COL1A1: variants seen among roughly 807,000 people sequenced by gnomAD.
COL1A1 encodes the protein collagen type I alpha 1 chain, also known as collagen alpha-1(I) chain.
A neutral mutation model predicts 195.7 loss-of-function variants in COL1A1; 21 were observed. That is an observed-to-expected ratio of 0.11 (90% CI 0.08 to 0.15). The LOEUF is 0.15. Ranked by LOEUF, COL1A1 falls within the 10% of genes least tolerant of loss-of-function variation. COL1A1 has a pLI of 1.00. For synonymous variants in COL1A1, 749 were observed against 747.3 expected (o/e 1.00, Z -0.04); for missense variants, 1,365 against 2,051.0 (o/e 0.67, Z 6.46).
chr17:50,186,543 G>C lies in COL1A1; in HGVS notation c.3815-36C>G. 1 of 1,613,964 alleles carries C rather than the reference G, an allele frequency of 6.2e-7. No homozygotes were observed. Among genetic ancestry groups the C allele is most frequent in the Non-Finnish European group, 8.5e-7 (1 of 1,179,892 alleles). ...GCAGGGCAAGATGGAGTCAGGGAAA[G>C]GGAGCAGCCAGCACCATATGGTAGG... is the stretch of plus-strand genomic sequence containing the variant. On this transcript the variant is annotated intron_variant, in intron 48 of 50. Coordinates refer to ENST00000225964, the MANE Select transcript of COL1A1 (RefSeq NM_000088.4). The surrounding 1 kb of genome is among the most constrained non-coding windows in gnomAD (Gnocchi z 5.3).
At chr17:50,200,636 C>T (rs1468096333) in intron 1 of COL1A1, among the ~76,000 whole-genome samples, 2 of 152,224 alleles carry the variant, frequency 1.3e-5, no homozygotes, top group Non-Finnish European at 2.9e-5. Flanking sequence ...TAGCTAACCA[C>T]TCCCACCGCG....
At chr17:50,197,285 G>T (rs778866846) in intron 9 of COL1A1, 52 bp from the exon 10 acceptor site, 2 of 1,593,130 alleles carry the variant, frequency 1.3e-6, no homozygotes, top group East Asian at 4.5e-5. Flanking sequence ...CCACCGCCTA[G>T]GGGCTGGAAA....
Position 50,192,668 on chromosome 17 carries a change from T to G in COL1A1, c.1901A>C (p.Gln634Pro). The change falls in exon 28 of 51, where the codon CAA (glutamine) becomes CCA (proline). Residue 634 changes from glutamine to proline, a missense_variant. Coordinates refer to ENST00000225964, the MANE Select transcript of COL1A1 (RefSeq NM_000088.4). Reference protein sequence around the residue: ...PAGPAGERGEQGPAGSPGFQG... With the variant: ...PAGPAGERGEPGPAGSPGFQG... ...GAATCCGGGGGAGCCAGCAGGGCCT[T>G]GTTCACCTCTCTCGCCAGCGGGACC... 1 of 1,614,196 alleles carries G rather than the reference T, an allele frequency of 6.2e-7. No individual in the cohort carries two copies. The highest frequency in any genetic ancestry group is 1.1e-5 in the South Asian group (1 of 91,082).
At position 50,189,092 on chromosome 17, in the gene COL1A1, T is replaced by G. The variant is rs1906832168; in HGVS notation, c.2937+76A>C. The G allele has an allele frequency of 2.5e-6, 4 of 1,584,794 alleles. No individual in the cohort carries two copies. Among genetic ancestry groups the G allele is most frequent in the Non-Finnish European group, 2.6e-6 (3 of 1,154,128 alleles). ...GCTGGAGTCATCTCTACCAAATCTG[T>G]TCTCCTTGGCTCCGCCCCACTCCAA... On this transcript the variant is annotated intron_variant, in intron 40 of 50. Coordinates refer to ENST00000225964, the MANE Select transcript of COL1A1 (RefSeq NM_000088.4). This position sits in a 1 kb window ranked among gnomAD's most constrained non-coding sequence, Gnocchi z 5.5.
chr17:50,188,802 A>G lies in COL1A1; in HGVS notation c.3046-7T>C. On this transcript the variant is annotated splice_region_variant and splice_polypyrimidine_tract_variant and intron_variant, in intron 41 of 50. Coordinates refer to ENST00000225964, the MANE Select transcript of COL1A1 (RefSeq NM_000088.4). This position sits in a 1 kb window ranked among gnomAD's most constrained non-coding sequence, Gnocchi z 5.6. Reference sequence around the variant, plus strand: ...CTTCGGCACCAGGAGCCCCCTGCAGAGAGAGAGAGAGAGAAGTGAGAGTCA... The same window carrying G: ...CTTCGGCACCAGGAGCCCCCTGCAGGGAGAGAGAGAGAGAAGTGAGAGTCA... The G allele has an allele frequency of 6.5e-7, 1 of 1,529,714 alleles. No individual in the cohort carries two copies. Among genetic ancestry groups the G allele is most frequent in the Admixed American group, 1.7e-5 (1 of 58,616 alleles). 94.8% of individuals were successfully genotyped at this position (1,529,714 alleles called of 1,614,324 possible).
chr17:50,189,014 A>T lies in COL1A1; in HGVS notation c.2938-4T>A. On this transcript the variant is annotated splice_region_variant and splice_polypyrimidine_tract_variant and intron_variant, in intron 40 of 50. Transcript: ENST00000225964. The surrounding 1 kb of genome is among the most constrained non-coding windows in gnomAD (Gnocchi z 5.5). ...GACCTTGTTTGCCAGGTTCACCCTA[A>T]GGGAGAAGAAAGAGTCAGGCCAGAG... The T allele has an allele frequency of 6.2e-7, 1 of 1,611,814 alleles. No homozygotes were observed. The highest frequency in any genetic ancestry group is 1.7e-5 in the Admixed American group (1 of 59,958).
At position 50,185,498 on chromosome 17, in the gene COL1A1, G is replaced by A. The variant is rs770414874; in HGVS notation, c.*4C>T. Reference sequence around the variant, plus strand: ...GGAGGGAGCCAGGTTGGGATGGAGGGAGTTTACAGGAAGCAGACAGGGCCA... The same window carrying A: ...GGAGGGAGCCAGGTTGGGATGGAGGAAGTTTACAGGAAGCAGACAGGGCCA... On this transcript the variant is annotated 3_prime_UTR_variant, in exon 51 of 51. Transcript: ENST00000225964. 5.4e-5 allele frequency: 87 copies of A among 1,613,662 alleles called. No homozygotes were observed. In the Admixed American group the frequency reaches 5.7e-4, roughly 11 times the overall value.
rs1177619256 is a variant in COL1A1 at position 50,194,028 on chromosome 17, T to C, written c.1682A>G (p.Gln561Arg). ...GKTGPPGPAG[Q>R]DGRPGPPGPP... ...GCCTGGGGGTCCGGGGCGACCATCTTGACCGGCGGGACCCTAAGGATGGGA... is the reference window on the plus strand; with the variant it reads ...GCCTGGGGGTCCGGGGCGACCATCTCGACCGGCGGGACCCTAAGGATGGGA... Residue 561 changes from glutamine (Q) to arginine (R), a missense_variant, in exon 25 of 51, where the codon CAA becomes CGA. Physicochemically the swap from Gln to Arg is conservative, Grantham distance 43. Transcript: ENST00000225964. This position sits in a 1 kb window ranked among gnomAD's most constrained non-coding sequence, Gnocchi z 6.8. 6.2e-7 allele frequency: 1 copy of C among 1,613,032 alleles called. No individual in the cohort carries two copies. The highest frequency in any genetic ancestry group is 8.5e-7 in the Non-Finnish European group (1 of 1,179,602).
chr17:50,199,522 C>A (rs771076396), intron 3 of COL1A1, 34 bp downstream of exon 3: 4 of 1,614,172 alleles, frequency 2.5e-6, no homozygotes, highest in Non-Finnish European at 2.5e-6. Context: ...AGTCACGGGC[C>A]GCGCAGGGGC....
chr17:50,199,313 G>A lies in COL1A1; in HGVS notation c.384C>T (p.Pro128=). Residue 128 remains proline, a synonymous_variant, in exon 5 of 51, where the codon CCC becomes CCT. Transcript: ENST00000225964. Reference sequence around the variant, plus strand: ...GTCCAGGGATGCCATCTCGGCCAGGGGGGCCTGCGGGTCCCTGCAGGGGGA... The same window carrying A: ...GTCCAGGGATGCCATCTCGGCCAGGAGGGCCTGCGGGTCCCTGCAGGGGGA... ...GPRGPRGPAG[P]PGRDGIPGQP... 1 of 1,549,936 alleles carries A rather than the reference G, an allele frequency of 6.5e-7. No individual in the cohort carries two copies. Among genetic ancestry groups the A allele is most frequent in the Non-Finnish European group, 8.7e-7 (1 of 1,146,068 alleles).
intron 3 of COL1A1, 38 bp downstream of exon 3, chr17:50,199,518 G>A (rs777634236): frequency 5.6e-6 from 9 of 1,614,068 alleles, no homozygotes; most frequent in African/African-American, 2.7e-5. Flanking sequence ...GAGGAGTCAC[G>A]GGCCGCGCAG....
intron 5 of COL1A1, chr17:50,198,776 G>A: frequency 1.9e-6 from 1 of 512,952 alleles, no homozygotes; most frequent in East Asian, 3.5e-5. Flanking sequence ...CTACATTTGT[G>A]GAAACTAGAG....
rs1320866581 is a variant in COL1A1, at chr17:50,190,501, G to A, written c.2397+42C>T. 6 of 1,611,934 alleles carry A rather than the reference G, an allele frequency of 3.7e-6. No homozygotes were observed. Among genetic ancestry groups the A allele is most frequent in the African/African-American group, 2.7e-5 (2 of 74,830 alleles). On this transcript the variant is annotated intron_variant, in intron 34 of 50. Transcript: ENST00000225964. The surrounding 1 kb of genome is among the most constrained non-coding windows in gnomAD (Gnocchi z 4.7). Reference sequence around the variant, plus strand: ...GCCAGGGGTGCTGTGTGAAGGGAGGGAAGGGCCAAGTATGGGGTCTTAACA... The same window carrying A: ...GCCAGGGGTGCTGTGTGAAGGGAGGAAAGGGCCAAGTATGGGGTCTTAACA...
rs28403607 is a variant in COL1A1, at chr17:50,189,142, C to A, written c.2937+26G>T. On this transcript the variant is annotated intron_variant, in intron 40 of 50. Transcript: ENST00000225964. The surrounding 1 kb of genome is among the most constrained non-coding windows in gnomAD (Gnocchi z 5.5). ...AGTCCTGTGATGGTTTTTCTCAGGG[C>A]CCCCCAAGGTGAGGGGGGCACTTAC... 3.7e-5 allele frequency: 60 copies of A among 1,608,144 alleles called. 1 individual carries two copies. The East Asian group carries it at 1.3e-3, about 34-fold the overall frequency.
chr17:50,185,772 A>G lies in COL1A1; in HGVS notation c.4248+6T>C, dbSNP rs1008090206. ...GGGGCCCTGCCTGGGGATTCTGGGCACTCACCGTGCAGCCATCGACAGTGA... is the reference window on the plus strand; with the variant it reads ...GGGGCCCTGCCTGGGGATTCTGGGCGCTCACCGTGCAGCCATCGACAGTGA... On this transcript the variant is annotated splice_donor_region_variant and intron_variant, in intron 50 of 50. Coordinates refer to ENST00000225964, the MANE Select transcript of COL1A1 (RefSeq NM_000088.4). The G allele has an allele frequency of 3.1e-6, 5 of 1,613,178 alleles. No individual in the cohort carries two copies. Among genetic ancestry groups the G allele is most frequent in the Non-Finnish European group, 4.2e-6 (5 of 1,179,928 alleles).
Position 50,186,219 on chromosome 17 carries a change from A to G in COL1A1, c.4005+98T>C. 4 of 1,563,716 alleles carry G rather than the reference A, an allele frequency of 2.6e-6. No individual in the cohort carries two copies. In the South Asian group the frequency reaches 3.3e-5, roughly 13 times the overall value. On this transcript the variant is annotated intron_variant, in intron 49 of 50. Coordinates refer to ENST00000225964, the MANE Select transcript of COL1A1 (RefSeq NM_000088.4). The surrounding 1 kb of genome is among the most constrained non-coding windows in gnomAD (Gnocchi z 5.3). ...CCTGCCTCCCAGCCCAGCTCTGTCC[A>G]TCACCCTTAGCAGAGACCTACTCCA...
chr17:50,188,454 C>A lies in COL1A1; in HGVS notation c.3207+76G>T, dbSNP rs1906747628. 3 of 1,396,990 alleles carry A rather than the reference C, an allele frequency of 2.1e-6. No homozygotes were observed. Among genetic ancestry groups the A allele is most frequent in the Non-Finnish European group, 3.0e-6 (3 of 984,668 alleles). 86.5% of individuals were successfully genotyped at this position (1,396,990 alleles called of 1,614,324 possible). On this transcript the variant is annotated intron_variant, in intron 43 of 50. Transcript: ENST00000225964. This position sits in a 1 kb window ranked among gnomAD's most constrained non-coding sequence, Gnocchi z 5.6. ...CCCTGCCTGGGTGAAGTCCGACACC[C>A]ATCCCCAGGCCTCTAAGGAGGCCTG...
rs2144550809 is a variant in COL1A1, at chr17:50,189,549, AT to A, written c.2668-12del. 6.2e-7 allele frequency: 1 copy of A among 1,612,100 alleles called. No homozygotes were observed. The highest frequency in any genetic ancestry group is 2.2e-5 in the East Asian group (1 of 44,644). On this transcript the variant is annotated splice_polypyrimidine_tract_variant and intron_variant, in intron 38 of 50. Transcript: ENST00000225964. This position sits in a 1 kb window ranked among gnomAD's most constrained non-coding sequence, Gnocchi z 5.5. The stretch of plus-strand genomic sequence containing the variant: ...GGGTCCAGCATTTCCCTGGATGAGG[AT>A]AGGAGGGGCTGTCAGACTCCAGGGG...
intron 29 of COL1A1, 125 bp downstream of exon 29, chr17:50,192,350 G>A: frequency 8.9e-7 from 1 of 1,121,284 alleles, no homozygotes; most frequent in South Asian, 1.3e-5. Flanking sequence ...TTCATGGGAG[G>A]AAGTTCTTTC....
Sources: gnomAD v4.1 joint callset for allele counts (sites outside exome capture counted in the v4.1 genomes callset) on GRCh38, gnomAD v4.1.1 for gene constraint, Gnocchi (gnomAD v3.1) non-coding constraint, MANE v1.5 for transcripts, NCBI Gene and HGNC (gene_info 2026-07-23, HGNC 2026-07-21) for gene names.